Variants in CHST9 observed in about 807,000 individuals in gnomAD.
CHST9 encodes the protein GalNAc-4-sulfotransferase 2.
A neutral mutation model predicts 44.4 loss-of-function variants in CHST9; 41 were observed. The observed-to-expected ratio is 0.92, with a 90% confidence interval of 0.72 to 1.20. CHST9 has a LOEUF of 1.20. Among genes scored for constraint, CHST9 ranks in the 50% most tolerant of loss-of-function variants. The pLI is 0.00. For missense variants in CHST9, 504 were observed against 516.5 expected (o/e 0.98, Z 0.23); for synonymous variants, 171 against 178.4 (o/e 0.96, Z 0.33).
At chr18:26,995,811 T>G (rs1481989606) in intron 4 of CHST9, among the ~76,000 whole-genome samples, 1 of 152,212 alleles carries the variant, frequency 6.6e-6, no homozygotes, top group East Asian at 1.9e-4. Flanking sequence ...TTGTCTATTA[T>G]TAAAGCAAAA....
intron 2 of CHST9, among the ~76,000 whole-genome samples, chr18:27,095,812 A>C (rs907961532): frequency 5.3e-5 from 8 of 152,106 alleles, no homozygotes; most frequent in Admixed American, 4.6e-4. Flanking sequence ...CTCCAAAAAG[A>C]CTTGACAGCC....
chr18:27,020,958 A>T (rs2057219683), intron 4 of CHST9, among the ~76,000 whole-genome samples: 1 of 152,224 alleles, frequency 6.6e-6, no homozygotes, highest in Admixed American at 6.5e-5. Flanking sequence ...TGCAACCAGC[A>T]AATTCTGGAA....
chr18:27,114,773 A>T (rs1004879320), intron 2 of CHST9, among the ~76,000 whole-genome samples: 1 of 152,126 alleles, frequency 6.6e-6, no homozygotes, highest in Non-Finnish European at 1.5e-5. Flanking sequence ...TGTAGCATCT[A>T]TCAGTACTTT....
chr18:27,060,776 ATTT>A, intron 2 of CHST9, among the ~76,000 whole-genome samples: 2 of 152,158 alleles, frequency 1.3e-5, no homozygotes, highest in Admixed American at 6.5e-5. Flanking sequence ...GTCATTTGAC[ATTT>A]CTGGCTAATG....
chr18:27,066,522 C>T (rs1449103729), intron 2 of CHST9, among the ~76,000 whole-genome samples: 1 of 152,124 alleles, frequency 6.6e-6, no homozygotes, highest in Non-Finnish European at 1.5e-5. Context: ...ATATTCCTAG[C>T]CTCAAGCAAT....
At position 27,185,281 on chromosome 18, in the gene CHST9, G is replaced by T. The variant is rs556214917; in HGVS notation, c.-242C>A. 1 of 151,664 alleles carries T rather than the reference G, an allele frequency of 6.6e-6. No homozygotes were observed. Among genetic ancestry groups the T allele is most frequent in the Non-Finnish European group, 1.5e-5 (1 of 67,884 alleles). The allele number at this position is 151,664 out of a possible 1,614,324, so 9.4% of individuals were successfully genotyped here. On this transcript the variant is annotated 5_prime_UTR_variant, in exon 1 of 6. Coordinates refer to ENST00000618847, the MANE Select transcript of CHST9 (RefSeq NM_031422.6). ...GAGCGGAGCGCCGCGCCGGGAGCGG[G>T]GACAGCTCGGAGTCGGGCGCTCACC...
intron 2 of CHST9, among the ~76,000 whole-genome samples, chr18:27,113,465 C>G (rs373212704): frequency 1.3e-5 from 2 of 152,058 alleles, no homozygotes; most frequent in East Asian, 1.9e-4. Context: ...ATTTAGCAAC[C>G]TGACATGGTC....
intron 1 of CHST9, among the ~76,000 whole-genome samples, chr18:27,167,181 T>C (rs1196690669): frequency 5.9e-5 from 9 of 152,200 alleles, no homozygotes; most frequent in Non-Finnish European, 1.3e-4. Flanking sequence ...ACCTGCTGCT[T>C]TTCAGATGCT....
At chr18:27,021,912 T>C (rs2057231163) in intron 4 of CHST9, among the ~76,000 whole-genome samples, 1 of 152,174 alleles carries the variant, frequency 6.6e-6, no homozygotes, top group Non-Finnish European at 1.5e-5. Flanking sequence ...CTTGAACTCT[T>C]GGCCTCAAGC....
At chr18:27,050,018 G>A in intron 2 of CHST9, among the ~76,000 whole-genome samples, 1 of 152,152 alleles carries the variant, frequency 6.6e-6, no homozygotes, top group African/African-American at 2.4e-5. Context: ...TAGAAGTATG[G>A]GGGTTTTCAA....
intron 3 of CHST9, among the ~76,000 whole-genome samples, chr18:27,038,210 T>A (rs901330102): frequency 3.9e-5 from 6 of 152,192 alleles, no homozygotes; most frequent in Non-Finnish European, 8.8e-5. Context: ...CATGTCTTAC[T>A]TTAAAAAATA....
intron 5 of CHST9, chr18:26,933,673 T>C (rs540768038): frequency 6.5e-6 from 1 of 153,890 alleles, no homozygotes; most frequent in African/African-American, 2.4e-5. Flanking sequence ...AAGTATTTAC[T>C]GAGCACCTAC....
intron 4 of CHST9, among the ~76,000 whole-genome samples, chr18:26,944,937 G>A (rs1568103082): frequency 6.6e-6 from 1 of 152,264 alleles, no homozygotes; most frequent in East Asian, 1.9e-4. Flanking sequence ...AACATGCAGA[G>A]TAATGTATGA....
intron 4 of CHST9, among the ~76,000 whole-genome samples, chr18:26,957,621 C>T (rs1421700476): frequency 1.3e-5 from 2 of 150,188 alleles, no homozygotes; most frequent in African/African-American, 2.5e-5. Context: ...ACGACAATAG[C>T]AATCACAATC....
intron 2 of CHST9, among the ~76,000 whole-genome samples, chr18:27,119,407 G>A (rs553369380): frequency 3.3e-5 from 5 of 152,120 alleles, no homozygotes; most frequent in South Asian, 2.1e-4. Flanking sequence ...ACCCCAGTTT[G>A]TGGATTACTA....
At chr18:26,984,150 A>G (rs2056726372) in intron 4 of CHST9, among the ~76,000 whole-genome samples, 1 of 152,246 alleles carries the variant, frequency 6.6e-6, no homozygotes, top group Admixed American at 6.5e-5. Context: ...ATGGAAATTA[A>G]TTTAACTCAC....
intron 4 of CHST9, among the ~76,000 whole-genome samples, chr18:26,945,502 A>C (rs1217573919): frequency 6.6e-6 from 1 of 152,232 alleles, no homozygotes; most frequent in African/African-American, 2.4e-5. Flanking sequence ...AATGTTATAC[A>C]AATGAATCAT....
At chr18:27,004,040 T>TG (rs970776164) in intron 4 of CHST9, among the ~76,000 whole-genome samples, 6 of 149,436 alleles carry the variant, frequency 4.0e-5, no homozygotes, top group Non-Finnish European at 8.9e-5. Flanking sequence ...TATGAGTGTC[T>TG]GGAAAAAAAA....
At chr18:27,138,075 C>A (rs1172969177) in intron 2 of CHST9, among the ~76,000 whole-genome samples, 1 of 152,152 alleles carries the variant, frequency 6.6e-6, no homozygotes, top group East Asian at 1.9e-4. Context: ...ACTGACTGTG[C>A]TGCTTCTCCT....
Sources: gnomAD v4.1 joint callset for allele counts (sites outside exome capture counted in the v4.1 genomes callset) on GRCh38, gnomAD v4.1.1 for gene constraint, MANE v1.5 for transcripts, NCBI Gene and HGNC (gene_info 2026-07-23, HGNC 2026-07-21) for gene names.